SASH3: variants seen among roughly 807,000 people sequenced by gnomAD.
SASH3 encodes SAM and SH3 domain containing 3.
Under a neutral mutation model 26.1 loss-of-function variants are expected in SASH3, and 7 were observed. The ratio of observed to expected loss-of-function variants is 0.27; its 90% confidence interval spans 0.15 to 0.50. The LOEUF (loss-of-function observed/expected upper bound fraction) is 0.50, where lower values mean the gene tolerates loss of function less well. Among genes scored for constraint, SASH3 ranks in the 20% least tolerant of loss-of-function variants. The pLI is 0.98. For missense variants in SASH3, 231 were observed against 318.3 expected, an observed-to-expected ratio of 0.73 and a Z score of 2.09; for synonymous variants, 138 against 136.8, an observed-to-expected ratio of 1.01 and a Z score of -0.06.
intron 2 of SASH3, 60 bp from the exon 3 acceptor site, chrX:129,788,371 C>G (rs1927147926): frequency 4.2e-6 from 5 of 1,176,988 alleles, no homozygotes; most frequent in East Asian, 3.0e-5. Context: ...TCTTTTGCCT[C>G]AAGTCCCGGA....
At chrX:129,790,775 C>A (rs1316523249) in intron 3 of SASH3, among the ~76,000 whole-genome samples, 165 bp from the exon 4 acceptor site, 1 of 111,331 alleles carries the variant, frequency 9.0e-6, no homozygotes, top group Non-Finnish European at 1.9e-5. Context: ...CTCATTTTTA[C>A]AAAAGGGGAA....
In SASH3 at chrX:129,788,085, A is replaced by T. The variant is rs1927141315; in HGVS notation, c.153+15A>T. On this transcript the variant is annotated intron_variant, in intron 2 of 7. Coordinates refer to ENST00000356892, the MANE Select transcript of SASH3 (RefSeq NM_018990.4). The stretch of plus-strand genomic sequence containing the variant: ...TGGATGATAACGTGAGTTTCAGGGC[A>T]TCCTTGTGGGATCTGGCTGCAGGCC... 4.8e-6 allele frequency: 4 copies of T among 830,425 alleles called. No homozygotes were observed. Among genetic ancestry groups the T allele is most frequent in the Non-Finnish European group, 6.5e-6 (4 of 618,018 alleles). 68.4% of individuals were successfully genotyped at this position (830,425 alleles called of 1,213,427 possible).
At chrX:129,789,169 A>AAGAAAGAAAGAGAAAG (rs112301444) in intron 3 of SASH3, among the ~76,000 whole-genome samples, 105 of 36,364 alleles carry the variant, frequency 2.9e-3, no homozygotes, top group African/African-American at 0.01. Flanking sequence ...AAGAAAGAGA[A>AAGAAAGAAAGAGAAAG]AAAAAAAAAA....
intron 3 of SASH3, among the ~76,000 whole-genome samples, chrX:129,789,159 AAGAAAGAG>A (rs1569312681): frequency 1.1e-4 from 6 of 56,890 alleles, no homozygotes; most frequent in East Asian, 9.3e-4. Context: ...GAAAGAAAGA[AAGAAAGAG>A]AAAAAAAAAA....
In SASH3 at chrX:129,793,826, A is replaced by G. The variant is rs756150580; in HGVS notation, c.1137A>G (p.Ala379=). Residue 379 remains alanine, a synonymous_variant, in exon 8 of 8, where the codon GCA becomes GCG. Coordinates refer to ENST00000356892, the MANE Select transcript of SASH3 (RefSeq NM_018990.4). ...TGCAAGGCCTCTCCCTGGCCGGGGC[A>G]CCTTGAGGTGGCGGTGGCAATAGGC... ...EQLQGLSLAG[A]P 22 of 1,181,166 alleles carry G rather than the reference A, an allele frequency of 1.9e-5. No individual in the cohort carries two copies. The highest frequency in any genetic ancestry group is 2.5e-5 in the Non-Finnish European group (22 of 879,764).
chrX:129,793,290 G>A, intron 7 of SASH3, 151 bp downstream of exon 7: 1 of 691,454 alleles, frequency 1.4e-6, no homozygotes. Flanking sequence ...AGAATTTCAG[G>A]GAAAGTGTAC....
chrX:129,788,341 T>C (rs754258223), intron 2 of SASH3, 90 bp from the exon 3 acceptor site: 27 of 1,011,436 alleles, frequency 2.7e-5, no homozygotes, highest in African/African-American at 3.8e-5. Context: ...CCCTCCAGCT[T>C]CTGCTGTGAC....
intron 1 of SASH3, 54 bp downstream of exon 1, chrX:129,780,208 T>TC: frequency 1.8e-6 from 2 of 1,092,292 alleles, no homozygotes; most frequent in Non-Finnish European, 2.5e-6. Flanking sequence ...GCTCGACCCA[T>TC]CCCTTCCAAG....
rs10521756 is a variant in SASH3, at chrX:129,790,679, C to T, written c.301-261C>T. ...ACCGTGGTCTTTTCTGTATGTACAT[C>T]GGCACTTGAGGCTGACAAAAGCACA... On this transcript the variant is annotated intron_variant, in intron 3 of 7. Transcript: ENST00000356892. Among the ~76,000 whole-genome samples, 723 of 111,218 alleles carry T rather than the reference C, an allele frequency of 6.5e-3. 10 individuals are homozygous for T. Among genetic ancestry groups the T allele is most frequent in the African/African-American group, 0.022 (671 of 30,618 alleles).
At chrX:129,792,197 C>T in intron 4 of SASH3, 131 bp from the exon 5 acceptor site, 1 of 746,560 alleles carries the variant, frequency 1.3e-6, no homozygotes, top group Non-Finnish European at 1.9e-6. Context: ...GTAAAGCTTG[C>T]CAGAGCCCAG....
intron 3 of SASH3, among the ~76,000 whole-genome samples, chrX:129,790,727 C>T (rs1249218045): frequency 9.0e-6 from 1 of 111,373 alleles, no homozygotes; most frequent in African/African-American, 3.3e-5. Flanking sequence ...CCTGGTTGAA[C>T]CTGTTTCTGT....
At chrX:129,786,459 AC>A (rs1333680427) in intron 1 of SASH3, among the ~76,000 whole-genome samples, 2 of 108,837 alleles carry the variant, frequency 1.8e-5, no homozygotes, top group Non-Finnish European at 3.8e-5. Context: ...AGGATGTGAA[AC>A]CTTCAACGTT....
intron 1 of SASH3, among the ~76,000 whole-genome samples, chrX:129,780,916 G>T (rs968870631): frequency 1.8e-5 from 2 of 112,489 alleles, no homozygotes; most frequent in Non-Finnish European, 3.8e-5. Context: ...TGGCTGAGGT[G>T]TTCATCCCCC....
intron 3 of SASH3, 90 bp from the exon 4 acceptor site, chrX:129,790,850 C>G (rs1181074018): frequency 9.5e-7 from 1 of 1,049,475 alleles, no homozygotes; most frequent in Non-Finnish European, 1.3e-6. Context: ...GAGCCAGCCC[C>G]TAGCTCTTCA....
At chrX:129,791,104 A>T in intron 4 of SASH3, 23 bp downstream of exon 4, 1 of 1,201,619 alleles carries the variant, frequency 8.3e-7, no homozygotes, top group African/African-American at 1.7e-5. Flanking sequence ...TGCGGGGGAC[A>T]CCTGCCGAAT....
chrX:129,790,104 AC>A (rs1436309689), intron 3 of SASH3, among the ~76,000 whole-genome samples: 3 of 111,556 alleles, frequency 2.7e-5, no homozygotes, highest in African/African-American at 9.8e-5. Context: ...TTTTGTAAAA[AC>A]GAACAAAGGT....
chrX:129,794,015 T>A lies in SASH3; in HGVS notation c.*183T>A. 2.2e-6 allele frequency: 1 copy of A among 454,417 alleles called. No homozygotes were observed. The highest frequency in any genetic ancestry group is 2.4e-5 in the African/African-American group (1 of 41,746). 37.4% of individuals were successfully genotyped at this position (454,417 alleles called of 1,213,427 possible). On this transcript the variant is annotated 3_prime_UTR_variant, in exon 8 of 8. Coordinates refer to ENST00000356892, the MANE Select transcript of SASH3 (RefSeq NM_018990.4). Reference sequence around the variant, plus strand: ...CAGGTTCCAGGCTCAGCTGGAGTGGTTGGGGAGTCGCCCAAGGGCACATCC... The same window carrying A: ...CAGGTTCCAGGCTCAGCTGGAGTGGATGGGGAGTCGCCCAAGGGCACATCC...
intron 3 of SASH3, among the ~76,000 whole-genome samples, 186 bp downstream of exon 3, chrX:129,788,763 G>C (rs909404825): frequency 9.0e-6 from 1 of 111,480 alleles, no homozygotes. Context: ...CAATCTTGAC[G>C]GGGCAGGAGG....
chrX:129,788,271 T>C (rs923428060), intron 2 of SASH3, 160 bp from the exon 3 acceptor site: 1 of 559,826 alleles, frequency 1.8e-6, no homozygotes, highest in Non-Finnish European at 2.9e-6. Flanking sequence ...TATAAATTTA[T>C]AGGGCTAAGG....
Sources: gnomAD v4.1 joint callset for allele counts (sites outside exome capture counted in the v4.1 genomes callset) on GRCh38, gnomAD v4.1.1 for gene constraint, MANE v1.5 for transcripts, NCBI Gene and HGNC (gene_info 2026-07-23, HGNC 2026-07-21) for gene names.